PITPNM2: variants seen among roughly 807,000 people sequenced by gnomAD.
PITPNM2 encodes membrane-associated phosphatidylinositol transfer protein 2.
PITPNM2 carries 35 observed loss-of-function variants against 132.2 expected under a neutral mutation model. That is an observed-to-expected ratio of 0.26 (90% CI 0.20 to 0.35). The LOEUF (loss-of-function observed/expected upper bound fraction) is 0.35. Ranked by LOEUF, PITPNM2 falls within the 10% of genes least tolerant of loss-of-function variation. The pLI is 1.00. For missense variants in PITPNM2, 1,332 were observed against 1,912.0 expected (o/e 0.70, Z 5.66); for synonymous variants, 738 against 799.2 (o/e 0.92, Z 1.29).
chr12:123,084,626 A>AT (rs2042062209), intron 2 of PITPNM2: 1 of 152,168 alleles, frequency 6.6e-6, no homozygotes, highest in South Asian at 2.1e-4. Context: ...ACCTCCTCTC[A>AT]TGCCAGGCCC....
Position 123,005,814 on chromosome 12 carries a change from T to C in PITPNM2, c.644-266A>G, listed in dbSNP as rs1006254910. The stretch of plus-strand genomic sequence containing the variant: ...CAATGTGTCCGGTCAGAAGCCACAG[T>C]TGGAAGGGCGCAGTGGCTCATGCCT... On this transcript the variant is annotated intron_variant, in intron 6 of 25. Coordinates refer to ENST00000320201, the MANE Select transcript of PITPNM2 (RefSeq NM_020845.3). This position sits in a 1 kb window ranked among gnomAD's most constrained non-coding sequence, Gnocchi z 6.2. 1 of 510,566 alleles carries C rather than the reference T, an allele frequency of 2.0e-6. No individual in the cohort carries two copies. Among genetic ancestry groups the C allele is most frequent in the African/African-American group, 1.9e-5 (1 of 52,246 alleles). The allele number at this position is 510,566 out of a possible 1,614,324, so 31.6% of individuals were successfully genotyped here.
Position 123,036,953 on chromosome 12 carries a change from C to T in PITPNM2, c.-95-2268G>A, listed in dbSNP as rs1192406458. Among the ~76,000 whole-genome samples the T allele has an allele frequency of 6.6e-6, 1 of 152,268 alleles. No homozygotes were observed. The highest frequency in any genetic ancestry group is 1.5e-5 in the Non-Finnish European group (1 of 68,048). On this transcript the variant is annotated intron_variant, in intron 2 of 25. Coordinates refer to ENST00000320201, the MANE Select transcript of PITPNM2 (RefSeq NM_020845.3). The surrounding 1 kb of genome is among the most constrained non-coding windows in gnomAD (Gnocchi z 4.1). ...GTGAAAAAAGACCATTGCTGACCTTCTTCAAGGTCAATGGGTCTAGCTAAC... is the reference window on the plus strand; with the variant it reads ...GTGAAAAAAGACCATTGCTGACCTTTTTCAAGGTCAATGGGTCTAGCTAAC...
intron 2 of PITPNM2, among the ~76,000 whole-genome samples, chr12:123,069,561 G>T (rs1566277071): frequency 6.6e-6 from 1 of 152,158 alleles, no homozygotes; most frequent in Non-Finnish European, 1.5e-5. Flanking sequence ...TGCTCAAAGA[G>T]CCCTTCCCCC....
chr12:123,098,277 G>C (rs556028173), intron 2 of PITPNM2, among the ~76,000 whole-genome samples: 1 of 152,190 alleles, frequency 6.6e-6, no homozygotes, highest in Non-Finnish European at 1.5e-5. Flanking sequence ...AATGGGTTGG[G>C]GCTCATGGGA....
chr12:123,090,356 C>G (rs924251889), intron 2 of PITPNM2: 1 of 152,172 alleles, frequency 6.6e-6, no homozygotes, highest in Admixed American at 6.5e-5. Context: ...AGAGAAAGGA[C>G]AGCAGAAACC....
intron 2 of PITPNM2, among the ~76,000 whole-genome samples, chr12:123,060,692 G>C (rs2041206243): frequency 6.6e-6 from 1 of 152,214 alleles, no homozygotes; most frequent in African/African-American, 2.4e-5. Flanking sequence ...TACCAAGTCA[G>C]AGCTGGGAAG....
At position 123,146,874 on chromosome 12, in the gene PITPNM2, A is replaced by G. The variant is rs375015476; in HGVS notation, c.-200+3879T>C. Among the ~76,000 whole-genome samples the G allele has an allele frequency of 5.3e-4, 80 of 152,308 alleles. 2 individuals are homozygous for G. In the South Asian group the frequency reaches 0.015, roughly 29 times the overall value. Reference sequence around the variant, plus strand: ...CCAGGCTAGAAGAGAGGTCTTGTGCAAATCACTTCTATTCTGCCAGCCTCT... The same window carrying G: ...CCAGGCTAGAAGAGAGGTCTTGTGCGAATCACTTCTATTCTGCCAGCCTCT... On this transcript the variant is annotated intron_variant, in intron 1 of 25. Transcript: ENST00000320201.
At position 123,077,377 on chromosome 12, in the gene PITPNM2, C is replaced by G. The variant is rs2041823940; in HGVS notation, c.-96+33008G>C. Among the ~76,000 whole-genome samples the G allele has an allele frequency of 6.6e-6, 1 of 152,200 alleles. No individual in the cohort carries two copies. The highest frequency in any genetic ancestry group is 1.5e-5 in the Non-Finnish European group (1 of 68,038). ...AATGAAGGATTGGTCAGAGAGACAG[C>G]CAACGTGTGGCCAACAATCACCACT... is the stretch of plus-strand genomic sequence containing the variant. On this transcript the variant is annotated intron_variant, in intron 2 of 25. Coordinates refer to ENST00000320201, the MANE Select transcript of PITPNM2 (RefSeq NM_020845.3). The surrounding 1 kb of genome is among the most constrained non-coding windows in gnomAD (Gnocchi z 4.8).
intron 2 of PITPNM2, among the ~76,000 whole-genome samples, chr12:123,038,149 G>T (rs1294462085): frequency 2.6e-5 from 4 of 152,254 alleles, no homozygotes; most frequent in African/African-American, 9.6e-5. Context: ...TTCCATCAAG[G>T]CTGGCTTAGG....
At chr12:123,075,508 G>A (rs1480793606) in intron 2 of PITPNM2, 1 of 152,210 alleles carries the variant, frequency 6.6e-6, no homozygotes, top group African/African-American at 2.4e-5. Flanking sequence ...CTGAACCACA[G>A]GGCTTCCCAC....
At chr12:123,040,988 G>A (rs1415339985) in intron 2 of PITPNM2, among the ~76,000 whole-genome samples, 1 of 152,184 alleles carries the variant, frequency 6.6e-6, no homozygotes, top group Non-Finnish European at 1.5e-5. Context: ...ATTACCTGAT[G>A]TTTCAGAAGG....
At position 123,108,821 on chromosome 12, in the gene PITPNM2, C is replaced by T. The variant is rs1187233679; in HGVS notation, c.-96+1564G>A. The stretch of plus-strand genomic sequence containing the variant: ...ATCACAACGTGCCCTATCTTCCCAG[C>T]AAGGATGAGGGCACCCGGAGAAGGG... On this transcript the variant is annotated intron_variant, in intron 2 of 25. Coordinates refer to ENST00000320201, the MANE Select transcript of PITPNM2 (RefSeq NM_020845.3). This position sits in a 1 kb window ranked among gnomAD's most constrained non-coding sequence, Gnocchi z 4.4. Among the ~76,000 whole-genome samples the T allele has an allele frequency of 6.6e-6, 1 of 152,124 alleles. No homozygotes were observed.
At chr12:123,089,803 G>C (rs1566287548) in intron 2 of PITPNM2, 1 of 152,144 alleles carries the variant, frequency 6.6e-6, no homozygotes, top group Non-Finnish European at 1.5e-5. Flanking sequence ...GTAAGACCTG[G>C]ATTCTGAGTG....
intron 3 of PITPNM2, among the ~76,000 whole-genome samples, chr12:123,021,179 C>T (rs1186182377): frequency 6.6e-6 from 1 of 152,122 alleles, no homozygotes; most frequent in Non-Finnish European, 1.5e-5. Context: ...TGCCCATGGG[C>T]TGAGATCTGC....
chr12:123,084,490 C>G (rs929540357), intron 2 of PITPNM2: 4 of 152,228 alleles, frequency 2.6e-5, no homozygotes, highest in Admixed American at 6.5e-5. Flanking sequence ...AACTGGAGCA[C>G]CAGGGAGCCA....
At chr12:123,032,742 T>C (rs532002307) in intron 3 of PITPNM2, among the ~76,000 whole-genome samples, 29 of 152,324 alleles carry the variant, frequency 1.9e-4, no homozygotes, top group African/African-American at 7.0e-4. Flanking sequence ...CACGCTGAGC[T>C]ATTTCCAGAG....
Position 123,004,029 on chromosome 12 carries a change from T to A in PITPNM2, c.1048+365A>T, listed in dbSNP as rs2038808395. Among the ~76,000 whole-genome samples, 1 of 152,152 alleles carries A rather than the reference T, an allele frequency of 6.6e-6. No homozygotes were observed. Among genetic ancestry groups the A allele is most frequent in the South Asian group, 2.1e-4 (1 of 4,824 alleles). ...GAAGAAATAAGGTAAGTACAAAAAA[T>A]TAGAAAATTAAAAGAAGTTATGCTT... On this transcript the variant is annotated intron_variant, in intron 8 of 25. Transcript: ENST00000320201. The surrounding 1 kb of genome is among the most constrained non-coding windows in gnomAD (Gnocchi z 4.9).
At chr12:123,048,044 A>G (rs566790284) in intron 2 of PITPNM2, among the ~76,000 whole-genome samples, 1 of 151,174 alleles carries the variant, frequency 6.6e-6, no homozygotes, top group African/African-American at 2.4e-5. Context: ...GGTTGCAGTG[A>G]GCCGAGATTG....
intron 2 of PITPNM2, among the ~76,000 whole-genome samples, chr12:123,038,840 C>T (rs1382820563): frequency 6.6e-6 from 1 of 152,136 alleles, no homozygotes; most frequent in Non-Finnish European, 1.5e-5. Flanking sequence ...TGGCTCACAC[C>T]TATAATCCTA....
Sources: gnomAD v4.1 joint callset for allele counts (sites outside exome capture counted in the v4.1 genomes callset) on GRCh38, gnomAD v4.1.1 for gene constraint, Gnocchi (gnomAD v3.1) non-coding constraint, MANE v1.5 for transcripts, NCBI Gene and HGNC (gene_info 2026-07-23, HGNC 2026-07-21) for gene names.